Variants in MMP2 observed in about 807,000 individuals in gnomAD.
The protein encoded by MMP2 is matrix metallopeptidase 2, also known as 72 kDa type IV collagenase.
A neutral mutation model predicts 74.8 loss-of-function variants in MMP2; 39 were observed. The observed-to-expected ratio is 0.52, with a 90% confidence interval of 0.40 to 0.68. The LOEUF (loss-of-function observed/expected upper bound fraction) is 0.68, where lower values mean the gene tolerates loss of function less well. MMP2 is among the 30% of genes least tolerant of loss of function. MMP2 has a pLI of 0.00. For synonymous variants in MMP2, 367 were observed against 339.8 expected, an observed-to-expected ratio of 1.08 and a Z score of -0.88; for missense variants, 803 against 878.3, an observed-to-expected ratio of 0.91 and a Z score of 1.08.
chr16:55,494,589 G>T (rs1431900435), intron 9 of MMP2, among the ~76,000 whole-genome samples: 1 of 152,158 alleles, frequency 6.6e-6, no homozygotes, highest in African/African-American at 2.4e-5. Flanking sequence ...TAGAGTGTGG[G>T]TATTAAAAGG....
intron 7 of MMP2, among the ~76,000 whole-genome samples, chr16:55,490,153 G>C (rs1187596987): frequency 6.6e-6 from 1 of 152,204 alleles, no homozygotes; most frequent in African/African-American, 2.4e-5. Context: ...CTCCAGGCGG[G>C]CTTGTGACTA....
At chr16:55,492,407 C>T (rs138288593) in intron 8 of MMP2, among the ~76,000 whole-genome samples, 47 of 151,464 alleles carry the variant, frequency 3.1e-4, no homozygotes, top group African/African-American at 1.1e-3. Flanking sequence ...AGAAACAGAA[C>T]AACCAGTGCC....
At chr16:55,497,975 T>A (rs1962571158) in intron 10 of MMP2, among the ~76,000 whole-genome samples, 1 of 152,216 alleles carries the variant, frequency 6.6e-6, no homozygotes, top group Non-Finnish European at 1.5e-5. Flanking sequence ...TGCTGGCTCC[T>A]AGGGCACCTT....
Position 55,505,659 on chromosome 16 carries a change from C to G in MMP2, c.*217C>G, listed in dbSNP as rs776941141. 2.9e-5 allele frequency: 17 copies of G among 594,508 alleles called. No individual in the cohort carries two copies. The South Asian group carries it at 3.3e-4, about 12-fold the overall frequency. 36.8% of individuals were successfully genotyped at this position (594,508 alleles called of 1,614,324 possible). The stretch of plus-strand genomic sequence containing the variant: ...CTGTACTCCTCCCAGGCGCCCCTTC[C>G]CCCTCCAATCCCACCAACCCTCAGA... On this transcript the variant is annotated 3_prime_UTR_variant, in exon 13 of 13. Coordinates refer to ENST00000219070, the MANE Select transcript of MMP2 (RefSeq NM_004530.6).
intron 12 of MMP2, 141 bp from the exon 13 acceptor site, chr16:55,505,198 T>G: frequency 1.3e-6 from 1 of 795,498 alleles, no homozygotes; most frequent in South Asian, 1.4e-5. Flanking sequence ...CAAGCAATCC[T>G]CCTGCCTCAG....
At position 55,496,937 on chromosome 16, in the gene MMP2, G is replaced by C. The variant is rs144755357; in HGVS notation, c.1484G>C (p.Arg495Pro). Residue 495 changes from arginine (R) to proline (P), a missense_variant, in exon 10 of 13, where the codon CGG (arginine) becomes CCG (proline). Coordinates refer to ENST00000219070, the MANE Select transcript of MMP2 (RefSeq NM_004530.6). ...IFFFKDRFIW[R>P]TVTPRDKPMG... The stretch of plus-strand genomic sequence containing the variant: ...TTGCCTCCTGCCAGGTTCATTTGGC[G>C]GACTGTGACGCCACGTGACAAGCCC... 6.2e-7 allele frequency: 1 copy of C among 1,614,042 alleles called. No individual in the cohort carries two copies. The highest frequency in any genetic ancestry group is 8.5e-7 in the Non-Finnish European group (1 of 1,180,028).
rs17859961 is a variant in MMP2 at position 55,495,448 on chromosome 16, T to C, written c.1473-1478T>C. ...ATTAAACTTCAACCATGAGCAAAAA[T>C]TGCTGCTAGGCACTGGTGAGGGTGG... is the stretch of plus-strand genomic sequence containing the variant. On this transcript the variant is annotated intron_variant, in intron 9 of 12. Transcript: ENST00000219070. Among the ~76,000 whole-genome samples the C allele has an allele frequency of 1.5e-3, 232 of 152,234 alleles. 3 individuals are homozygous for C. Among genetic ancestry groups the C allele is most frequent in the African/African-American group, 5.4e-3 (225 of 41,532 alleles).
intron 9 of MMP2, 114 bp from the exon 10 acceptor site, chr16:55,496,812 C>T (rs748575569): frequency 2.9e-5 from 41 of 1,421,376 alleles, no homozygotes; most frequent in Non-Finnish European, 3.8e-5. Context: ...CTGCCTCCCA[C>T]TCCCATCATG....
At chr16:55,489,579 G>A (rs1728521592) in intron 6 of MMP2, 72 bp from the exon 7 acceptor site, 28 of 1,577,192 alleles carry the variant, frequency 1.8e-5, no homozygotes, top group South Asian at 6.6e-5. Context: ...TAAGGTCAGC[G>A]TCATGTCATT....
intron 10 of MMP2, 86 bp from the exon 11 acceptor site, chr16:55,498,203 G>A: frequency 6.4e-7 from 1 of 1,557,112 alleles, no homozygotes; most frequent in Non-Finnish European, 8.8e-7. Context: ...GCTGCAGTGG[G>A]GCCCGTGGAC....
chr16:55,494,632 A>T (rs961308568), intron 9 of MMP2, among the ~76,000 whole-genome samples: 10 of 152,224 alleles, frequency 6.6e-5, no homozygotes, highest in Admixed American at 3.3e-4. Context: ...GACCCTCCTG[A>T]CTGGAACTCT....
chr16:55,479,477 A>T lies in MMP2; in HGVS notation c.-3A>T. The T allele has an allele frequency of 1.3e-6, 2 of 1,562,104 alleles. No homozygotes were observed. The highest frequency in any genetic ancestry group is 1.7e-6 in the Non-Finnish European group (2 of 1,154,170). Reference sequence around the variant, plus strand: ...GCGACGCGCGGGGCCAGGGAGCGCTACGATGGAGGCGCTAATGGCCCGGGG... The same window carrying T: ...GCGACGCGCGGGGCCAGGGAGCGCTTCGATGGAGGCGCTAATGGCCCGGGG... On this transcript the variant is annotated 5_prime_UTR_variant, in exon 1 of 13. Coordinates refer to ENST00000219070, the MANE Select transcript of MMP2 (RefSeq NM_004530.6).
chr16:55,493,847 A>T (rs567598279), intron 9 of MMP2, among the ~76,000 whole-genome samples: 112 of 152,352 alleles, frequency 7.4e-4, no homozygotes, highest in African/African-American at 2.6e-3. Flanking sequence ...CAAATGGCCA[A>T]ATTACTCTGT....
At chr16:55,497,095 C>T in intron 10 of MMP2, 33 bp downstream of exon 10, 3 of 1,613,416 alleles carry the variant, frequency 1.9e-6, no homozygotes, top group South Asian at 1.1e-5. Context: ...TGGCCCTCAG[C>T]TCCACAGGGC....
intron 6 of MMP2, among the ~76,000 whole-genome samples, chr16:55,489,031 TCTC>T (rs1283278518): frequency 6.6e-6 from 1 of 152,246 alleles, no homozygotes; most frequent in Admixed American, 6.5e-5. Context: ...GAGACTTCTC[TCTC>T]CTCCTCTCTG....
At chr16:55,500,189 T>A (rs183762594) in intron 11 of MMP2, among the ~76,000 whole-genome samples, 195 of 152,234 alleles carry the variant, frequency 1.3e-3, no homozygotes, top group Non-Finnish European at 2.3e-3. Context: ...GAGCAGGCTT[T>A]CCACCCACCA....
At chr16:55,492,025 G>T in intron 8 of MMP2, 69 bp downstream of exon 8, 1 of 1,476,770 alleles carries the variant, frequency 6.8e-7, no homozygotes, top group Non-Finnish European at 9.3e-7. Context: ...TGGGATGGAG[G>T]CCCAGGGGGT....
chr16:55,505,511 A>G lies in MMP2; in HGVS notation c.*69A>G. On this transcript the variant is annotated 3_prime_UTR_variant, in exon 13 of 13. Transcript: ENST00000219070. Reference sequence around the variant, plus strand: ...ATACACCGGGCCTGGAGAACTAGAGAAGGACCCGGAGGGGCCTGGCAGCCG... The same window carrying G: ...ATACACCGGGCCTGGAGAACTAGAGGAGGACCCGGAGGGGCCTGGCAGCCG... 7.2e-7 allele frequency: 1 copy of G among 1,390,652 alleles called. No individual in the cohort carries two copies. The highest frequency in any genetic ancestry group is 1.0e-6 in the Non-Finnish European group (1 of 977,914). The allele number at this position is 1,390,652 out of a possible 1,614,324, so 86.1% of individuals were successfully genotyped here.
chr16:55,486,809 A>C (rs1483281398), intron 5 of MMP2: 1 of 152,222 alleles, frequency 6.6e-6, no homozygotes, highest in Non-Finnish European at 1.5e-5. Context: ...TATAGTCTAC[A>C]TAGACTAAAG....
Sources: gnomAD v4.1 joint callset for allele counts (sites outside exome capture counted in the v4.1 genomes callset) on GRCh38, gnomAD v4.1.1 for gene constraint, MANE v1.5 for transcripts, NCBI Gene and HGNC (gene_info 2026-07-23, HGNC 2026-07-21) for gene names.